The following PLD1 variants were observed in gnomAD, a reference collection of about 807,000 sequenced individuals.
PLD1 encodes the protein phospholipase D1.
A neutral mutation model predicts 137.1 loss-of-function variants in PLD1; 112 were observed. That is an observed-to-expected ratio of 0.82 (90% CI 0.70 to 0.96). The LOEUF is 0.96. Ranked by LOEUF, PLD1 falls within the 40% of genes least tolerant of loss-of-function variation. The pLI is 0.00. For missense variants in PLD1, 1,321 were observed against 1,342.0 expected (o/e 0.98, Z 0.24); for synonymous variants, 431 against 454.7 (o/e 0.95, Z 0.66).
At chr3:171,733,334 G>A (rs934599055) in intron 6 of PLD1, 110 bp downstream of exon 6, 9 of 564,104 alleles carry the variant, frequency 1.6e-5, no homozygotes, top group Admixed American at 6.9e-5. Context: ...ATGCAAGGAC[G>A]AATGTAGGTG....
intron 18 of PLD1, 108 bp downstream of exon 18, chr3:171,676,607 G>T (rs1214051552): frequency 2.4e-6 from 2 of 844,678 alleles, no homozygotes; most frequent in Non-Finnish European, 4.0e-6. Context: ...CAGTGACACA[G>T]TTGTGGCCAC....
intron 1 of PLD1, among the ~76,000 whole-genome samples, chr3:171,744,757 T>C (rs754959657): frequency 2.0e-4 from 31 of 152,234 alleles, no homozygotes; most frequent in Admixed American, 9.8e-4. Flanking sequence ...ATTTCTGCCA[T>C]TAGCTAATCT....
At position 171,704,361 on chromosome 3, in the gene PLD1, C is replaced by A. The variant is rs190915647; in HGVS notation, c.1145+4394G>T. Among the ~76,000 whole-genome samples, 92 of 150,986 alleles carry A rather than the reference C, an allele frequency of 6.1e-4. 2 individuals are homozygous for A. The East Asian group carries it at 0.016, about 26-fold the overall frequency. On this transcript the variant is annotated intron_variant, in intron 11 of 26. Transcript: ENST00000351298. Reference sequence around the variant, plus strand: ...TTGCCTGCTAAAACAAAAATACTAACATTCTCCACAGGATTCAAACAAGAC... The same window carrying A: ...TTGCCTGCTAAAACAAAAATACTAAAATTCTCCACAGGATTCAAACAAGAC...
intron 1 of PLD1, among the ~76,000 whole-genome samples, chr3:171,777,105 T>C (rs1722617371): frequency 6.6e-6 from 1 of 152,238 alleles, no homozygotes; most frequent in Non-Finnish European, 1.5e-5. Flanking sequence ...TTTCTTAATA[T>C]GCAGTTACAA....
intron 1 of PLD1, chr3:171,809,191 T>C (rs1252424004): frequency 6.6e-6 from 1 of 152,210 alleles, no homozygotes; most frequent in African/African-American, 2.4e-5. Context: ...TGAGCGCTTA[T>C]ACAATTAGTC....
chr3:171,774,768 T>C (rs1049560725), intron 1 of PLD1, among the ~76,000 whole-genome samples: 4 of 152,210 alleles, frequency 2.6e-5, no homozygotes, highest in South Asian at 2.1e-4. Flanking sequence ...TGGTTACTAA[T>C]GCCATTCACA....
At chr3:171,791,170 A>C (rs2108350783) in intron 1 of PLD1, among the ~76,000 whole-genome samples, 1 of 152,290 alleles carries the variant, frequency 6.6e-6, no homozygotes. Flanking sequence ...ATGGAATAGA[A>C]TTTCATATGG....
chr3:171,742,523 T>G lies in PLD1; in HGVS notation c.-31-4441A>C, dbSNP rs187343678. Among the ~76,000 whole-genome samples the G allele has an allele frequency of 1.5e-4, 23 of 152,264 alleles. No individual in the cohort carries two copies. In the East Asian group the frequency reaches 3.5e-3, roughly 23 times the overall value. On this transcript the variant is annotated intron_variant, in intron 1 of 26. Coordinates refer to ENST00000351298, the MANE Select transcript of PLD1 (RefSeq NM_002662.5). Reference sequence around the variant, plus strand: ...TTTTCTAGCTGCTATTGTACTTAACTGAGATAAATAAATGCAATGGATTCC... The same window carrying G: ...TTTTCTAGCTGCTATTGTACTTAACGGAGATAAATAAATGCAATGGATTCC...
intron 25 of PLD1, among the ~76,000 whole-genome samples, chr3:171,608,200 AT>A (rs1732362577): frequency 6.6e-6 from 1 of 152,230 alleles, no homozygotes; most frequent in Non-Finnish European, 1.5e-5. Flanking sequence ...CATTAAAAAA[AT>A]GAATTATTTA....
At chr3:171,747,593 T>G (rs953232175) in intron 1 of PLD1, among the ~76,000 whole-genome samples, 1 of 152,056 alleles carries the variant, frequency 6.6e-6, no homozygotes, top group African/African-American at 2.4e-5. Flanking sequence ...CCAAAGCCCA[T>G]GTTTTGTTCA....
intron 19 of PLD1, among the ~76,000 whole-genome samples, chr3:171,667,844 C>T (rs1406330675): frequency 1.3e-5 from 2 of 152,182 alleles, no homozygotes; most frequent in African/African-American, 2.4e-5. Context: ...TTCTGCCTCC[C>T]GGGTTCAAGC....
chr3:171,664,870 T>G (rs932833928), intron 19 of PLD1, among the ~76,000 whole-genome samples: 1 of 151,952 alleles, frequency 6.6e-6, no homozygotes, highest in Non-Finnish European at 1.5e-5. Flanking sequence ...CCTCTCCCCA[T>G]CCCCTAAAGC....
intron 1 of PLD1, among the ~76,000 whole-genome samples, chr3:171,749,333 C>T (rs1320189278): frequency 6.6e-6 from 1 of 152,096 alleles, no homozygotes; most frequent in Non-Finnish European, 1.5e-5. Context: ...TCATGGGAGG[C>T]AGCAGCCTGG....
At chr3:171,748,272 G>A (rs1268198451) in intron 1 of PLD1, among the ~76,000 whole-genome samples, 4 of 152,164 alleles carry the variant, frequency 2.6e-5, no homozygotes, top group African/African-American at 4.8e-5. Flanking sequence ...TTGTACAACC[G>A]CTGGATTGAC....
intron 15 of PLD1, 145 bp downstream of exon 15, chr3:171,687,226 G>T: frequency 1.5e-6 from 1 of 666,472 alleles, no homozygotes; most frequent in Non-Finnish European, 2.6e-6. Context: ...ATGGCATGAG[G>T]TTGAATAGAA....
chr3:171,604,410 G>GCCA (rs1732047615), intron 26 of PLD1, among the ~76,000 whole-genome samples: 1 of 151,656 alleles, frequency 6.6e-6, no homozygotes, highest in African/African-American at 2.4e-5. Flanking sequence ...TCTGCTGGAA[G>GCCA]GGGCTCTAAG....
intron 23 of PLD1, among the ~76,000 whole-genome samples, chr3:171,622,221 C>T (rs1019481899): frequency 1.3e-5 from 2 of 152,086 alleles, no homozygotes; most frequent in South Asian, 2.1e-4. Context: ...TCACATTGAA[C>T]AATATAGTAG....
chr3:171,676,465 A>G (rs1040890711), intron 18 of PLD1, among the ~76,000 whole-genome samples: 11 of 152,142 alleles, frequency 7.2e-5, no homozygotes, highest in Middle Eastern at 3.2e-3. Flanking sequence ...ACAAGGTTAA[A>G]ATCAGGACCC....
In PLD1 at chr3:171,710,872, C is replaced by T. The variant is rs73176169; in HGVS notation, c.912-1163G>A. Among the ~76,000 whole-genome samples, 247 of 98,446 alleles carry T rather than the reference C, an allele frequency of 2.5e-3. 1 individual carries two copies. The highest frequency in any genetic ancestry group is 6.5e-3 in the African/African-American group (139 of 21,340). 64.6% of individuals were successfully genotyped at this position (98,446 alleles called of 152,430 possible). A position where few individuals can be genotyped will look rare whatever the true frequency, so the allele number is the denominator to read the frequency against. ...TTTCACTAATCATAGGAAAACTGTT[C>T]TTTTTTTTTTTTTTTTTTTGAGACG... On this transcript the variant is annotated intron_variant, in intron 9 of 26. Coordinates refer to ENST00000351298, the MANE Select transcript of PLD1 (RefSeq NM_002662.5).
Sources: gnomAD v4.1 joint callset for allele counts (sites outside exome capture counted in the v4.1 genomes callset) on GRCh38, gnomAD v4.1.1 for gene constraint, MANE v1.5 for transcripts, NCBI Gene and HGNC (gene_info 2026-07-23, HGNC 2026-07-21) for gene names.